Variants in CCDC150 observed in about 807,000 individuals in gnomAD.
CCDC150 encodes coiled-coil domain containing 150.
A neutral mutation model predicts 156.5 loss-of-function variants in CCDC150; 151 were observed. The observed-to-expected ratio is 0.97, with a 90% confidence interval of 0.85 to 1.10. The LOEUF (loss-of-function observed/expected upper bound fraction) is 1.10. Ranked by LOEUF, CCDC150 falls within the 50% of genes least tolerant of loss-of-function variation. The probability of loss-of-function intolerance (pLI) is 0.00; values close to 1 mark genes in which losing one functional copy is unlikely to be tolerated. For missense variants in CCDC150, 1,312 were observed against 1,268.1 expected (o/e 1.03, Z -0.53); for synonymous variants, 452 against 429.4 (o/e 1.05, Z -0.65).
chr2:196,689,584 T>C (rs1430339984), intron 13 of CCDC150, among the ~76,000 whole-genome samples: 26 of 152,234 alleles, frequency 1.7e-4, no homozygotes, highest in Non-Finnish European at 3.4e-4. Context: ...GTGATTTTTG[T>C]ACATTGATTT....
chr2:196,668,104 C>G (rs1490269748), intron 7 of CCDC150, among the ~76,000 whole-genome samples: 1 of 152,048 alleles, frequency 6.6e-6, no homozygotes, highest in Non-Finnish European at 1.5e-5. Context: ...TGAGACCATC[C>G]TGGCTAACAC....
At chr2:196,661,177 A>G (rs1693536131) in intron 5 of CCDC150, among the ~76,000 whole-genome samples, 1 of 152,236 alleles carries the variant, frequency 6.6e-6, no homozygotes, top group Non-Finnish European at 1.5e-5. Flanking sequence ...TTGCAGAAGT[A>G]CTATGCTAGT....
In CCDC150 at chr2:196,656,822, A is replaced by T. The variant is rs779126800; in HGVS notation, c.366A>T (p.Gln122His). 2.5e-6 allele frequency: 4 copies of T among 1,613,928 alleles called. No homozygotes were observed. Among genetic ancestry groups the T allele is most frequent in the Non-Finnish European group, 3.4e-6 (4 of 1,179,832 alleles). Reference sequence around the variant, plus strand: ...TGAAGATGAACATCTTTCGGCTGCAAACTGAAAAGGATTTGAATCCTCAGA... The same window carrying T: ...TGAAGATGAACATCTTTCGGCTGCATACTGAAAAGGATTTGAATCCTCAGA... ...QSLKMNIFRLQTEKDLNPQKT... is the reference protein window; with the variant it reads ...QSLKMNIFRLHTEKDLNPQKT... The change falls in exon 3 of 28, where the codon CAA becomes CAT. Residue 122 changes from glutamine (Q) to histidine (H), a missense_variant. Transcript: ENST00000389175.
At chr2:196,697,522 T>C (rs753149525) in intron 14 of CCDC150, among the ~76,000 whole-genome samples, 2 of 152,176 alleles carry the variant, frequency 1.3e-5, no homozygotes, top group Non-Finnish European at 2.9e-5. Flanking sequence ...TATAATTCCC[T>C]GTACAACTGG....
At chr2:196,727,657 G>A (rs1277043285) in intron 22 of CCDC150, 1 of 152,130 alleles carries the variant, frequency 6.6e-6, no homozygotes, top group African/African-American at 2.4e-5. Flanking sequence ...TTTTATAGAA[G>A]AATTAGGGAA....
At position 196,665,566 on chromosome 2, in the gene CCDC150, G is replaced by A; in HGVS notation, c.646-1G>A. On this transcript the variant is annotated splice_acceptor_variant, in intron 5 of 27. Transcript: ENST00000389175. LOFTEE classifies it high-confidence loss of function. The stretch of plus-strand genomic sequence containing the variant: ...TGCCTAACTGCAGTGTTGCTTTGTA[G>A]CTAAGGAGACAACTGGCTCAGGAGA... 1 of 1,582,666 alleles carries A rather than the reference G, an allele frequency of 6.3e-7. No homozygotes were observed. The highest frequency in any genetic ancestry group is 8.6e-7 in the Non-Finnish European group (1 of 1,159,876).
chr2:196,730,380 G>C (rs1422353011), intron 25 of CCDC150, among the ~76,000 whole-genome samples: 1 of 152,226 alleles, frequency 6.6e-6, no homozygotes, highest in African/African-American at 2.4e-5. Context: ...CAAAGTATCA[G>C]TTACTAAGTA....
chr2:196,663,426 AAG>A (rs1467304914), intron 5 of CCDC150, among the ~76,000 whole-genome samples: 1 of 152,206 alleles, frequency 6.6e-6, no homozygotes, highest in Non-Finnish European at 1.5e-5. Context: ...ATTGGATCAG[AAG>A]AGATTTAAGA....
intron 1 of CCDC150, among the ~76,000 whole-genome samples, chr2:196,644,582 G>A (rs1533660): frequency 0.78 from 118,798 of 151,784 alleles, 46,705 homozygotes; most frequent in East Asian, 0.97. Context: ...ATGTAGAGGA[G>A]CCCCACTTCG....
At chr2:196,646,132 C>T (rs369939924) in intron 1 of CCDC150, among the ~76,000 whole-genome samples, 20 of 152,144 alleles carry the variant, frequency 1.3e-4, no homozygotes, top group African/African-American at 4.6e-4. Context: ...TGGGATGTTG[C>T]TCATCTCATA....
chr2:196,652,043 C>A (rs2125577067), intron 2 of CCDC150, among the ~76,000 whole-genome samples: 2 of 152,290 alleles, frequency 1.3e-5, no homozygotes, highest in East Asian at 3.9e-4. Flanking sequence ...CCAAGCCGTT[C>A]ATGAGGGATC....
intron 8 of CCDC150, among the ~76,000 whole-genome samples, chr2:196,672,036 G>A (rs1475739879): frequency 6.6e-6 from 1 of 152,176 alleles, no homozygotes; most frequent in African/African-American, 2.4e-5. Context: ...GAGAGTCCCT[G>A]TTGCTCCACA....
At chr2:196,676,834 C>A in intron 12 of CCDC150, 103 bp downstream of exon 12, 1 of 1,089,492 alleles carries the variant, frequency 9.2e-7, no homozygotes, top group Non-Finnish European at 1.3e-6. Flanking sequence ...AACCCAGATG[C>A]AGTTTGTCTG....
At chr2:196,655,931 T>C (rs1184859675) in intron 2 of CCDC150, among the ~76,000 whole-genome samples, 1 of 152,054 alleles carries the variant, frequency 6.6e-6, no homozygotes, top group Non-Finnish European at 1.5e-5. Flanking sequence ...CCAAAGGTTA[T>C]GTTTGTCAGC....
In CCDC150 at chr2:196,672,347, C is replaced by T; in HGVS notation, c.939C>T (p.Asn313=). 1 of 1,501,506 alleles carries T rather than the reference C, an allele frequency of 6.7e-7. No individual in the cohort carries two copies. The allele number at this position is 1,501,506 out of a possible 1,614,324, so 93.0% of individuals were successfully genotyped here. Residue 313 remains asparagine (N), a splice_region_variant and synonymous_variant, in exon 9 of 28, where the codon AAC becomes AAT. Coordinates refer to ENST00000389175, the MANE Select transcript of CCDC150 (RefSeq NM_001080539.2). ...LISKLVEENK[N]LQISFNKEHE... ...GAGAGTAATTTTTTTTCTTATAGAA[C>T]CTGCAGATATCTTTCAACAAGGAAC...
rs548329731 is a variant in CCDC150, at chr2:196,675,014, A to G, written c.1137+666A>G. Among the ~76,000 whole-genome samples, 34 of 152,190 alleles carry G rather than the reference A, an allele frequency of 2.2e-4. 1 individual carries two copies. In the South Asian group the frequency reaches 7.1e-3, roughly 32 times the overall value. On this transcript the variant is annotated intron_variant, in intron 10 of 27. Coordinates refer to ENST00000389175, the MANE Select transcript of CCDC150 (RefSeq NM_001080539.2). ...AGGGTTAGAGAAGTTCACTTGCCCA[A>G]ATTCACCTAACTAGTAAGAGGTAGA...
In CCDC150 at chr2:196,720,576, G is replaced by T; in HGVS notation, c.2167G>T (p.Asp723Tyr). Residue 723 changes from aspartate (D) to tyrosine (Y), a missense_variant and splice_region_variant, in exon 20 of 28, where the codon GAT (aspartate) becomes TAT (tyrosine). Physicochemically the swap from Asp to Tyr is radical, Grantham distance 160. Transcript: ENST00000389175. ...SEIAGLKKER[D>Y]LNQQRVQKLE... ...TCTTTTTGTGCTTTTTATTTTTAGG[G>T]ATCTCAATCAACAGAGGGTGCAGAA... 6.2e-7 allele frequency: 1 copy of T among 1,612,890 alleles called. No homozygotes were observed. Among genetic ancestry groups the T allele is most frequent in the Non-Finnish European group, 8.5e-7 (1 of 1,179,248 alleles).
Position 196,730,945 on chromosome 2 carries a change from G to T in CCDC150, c.3069G>T (p.Gln1023His), listed in dbSNP as rs776090759. 17 of 1,592,362 alleles carry T rather than the reference G, an allele frequency of 1.1e-5. No individual in the cohort carries two copies. In the South Asian group the frequency reaches 2.0e-4, roughly 18 times the overall value. The change falls in exon 26 of 28, where the codon CAG becomes CAT. Residue 1023 changes from glutamine to histidine, a missense_variant and splice_region_variant. By Grantham distance (24) the Gln-to-His change is conservative. Coordinates refer to ENST00000389175, the MANE Select transcript of CCDC150 (RefSeq NM_001080539.2). ...TLKEASVESE[Q>H]ITANLEEAHR... ...AAGAAGCCAGTGTGGAATCAGAACAGGTGAGCCAGACCCACGGACATAAAG... is the reference window on the plus strand; with the variant it reads ...AAGAAGCCAGTGTGGAATCAGAACATGTGAGCCAGACCCACGGACATAAAG...
At chr2:196,657,193 G>A (rs1693259462) in intron 4 of CCDC150, 57 bp downstream of exon 4, 1 of 1,517,914 alleles carries the variant, frequency 6.6e-7, no homozygotes, top group Non-Finnish European at 9.1e-7. Flanking sequence ...GCTGGAGGAG[G>A]TAACAGACCT....
Sources: gnomAD v4.1 joint callset for allele counts (sites outside exome capture counted in the v4.1 genomes callset) on GRCh38, gnomAD v4.1.1 for gene constraint, MANE v1.5 for transcripts, NCBI Gene and HGNC (gene_info 2026-07-23, HGNC 2026-07-21) for gene names.